Variants in PPP1R12B observed in about 807,000 individuals in gnomAD.
The protein encoded by PPP1R12B is myosin phosphatase target subunit 2.
A neutral mutation model predicts 126.1 loss-of-function variants in PPP1R12B; 76 were observed. The ratio of observed to expected loss-of-function variants is 0.60; its 90% confidence interval spans 0.50 to 0.73. The LOEUF is 0.73. Ranked by LOEUF, PPP1R12B falls within the 30% of genes least tolerant of loss-of-function variation. PPP1R12B has a pLI of 0.00. For synonymous variants in PPP1R12B, 356 were observed against 434.7 expected, an observed-to-expected ratio of 0.82 and a Z score of 2.25; for missense variants, 1,052 against 1,205.1, an observed-to-expected ratio of 0.87 and a Z score of 1.88.
intron 2 of PPP1R12B, among the ~76,000 whole-genome samples, chr1:202,420,089 G>T (rs1242613470): frequency 6.6e-6 from 1 of 152,218 alleles, no homozygotes; most frequent in East Asian, 1.9e-4. Context: ...ATAGCTATCT[G>T]CTTAGGAACA....
chr1:202,503,080 G>A (rs565307959), intron 18 of PPP1R12B, among the ~76,000 whole-genome samples: 13 of 152,276 alleles, frequency 8.5e-5, no homozygotes, highest in Admixed American at 6.5e-4. Context: ...GGACATTGGT[G>A]GAAGCAGGGA....
chr1:202,505,168 G>A (rs1680673631), intron 18 of PPP1R12B, among the ~76,000 whole-genome samples: 1 of 152,204 alleles, frequency 6.6e-6, no homozygotes, highest in Non-Finnish European at 1.5e-5. Context: ...GGAAAGAAAT[G>A]AGTAGAAAGG....
chr1:202,569,383 A>G (rs1688376471), intron 23 of PPP1R12B, among the ~76,000 whole-genome samples, 186 bp downstream of exon 23: 1 of 152,088 alleles, frequency 6.6e-6, no homozygotes, highest in South Asian at 2.1e-4. Context: ...CTCACACAAC[A>G]TCCATTGAGG....
At chr1:202,446,997 GA>G (rs1485601991) in intron 12 of PPP1R12B, among the ~76,000 whole-genome samples, 2 of 152,032 alleles carry the variant, frequency 1.3e-5, no homozygotes, top group Non-Finnish European at 2.9e-5. Context: ...AGCAGACAAA[GA>G]AAAAATGCTT....
At chr1:202,468,852 G>A (rs1259941296) in intron 13 of PPP1R12B, among the ~76,000 whole-genome samples, 1 of 152,088 alleles carries the variant, frequency 6.6e-6, no homozygotes, top group Non-Finnish European at 1.5e-5. Context: ...TACTTGAGAG[G>A]CTGAGTCATT....
rs1362390635 is a variant in PPP1R12B at position 202,588,370 on chromosome 1, T to C, written c.*7810T>C. On this transcript the variant is annotated 3_prime_UTR_variant, in exon 24 of 24. Transcript: ENST00000608999. ...TTAGGGAGAAGCAGCCAGACTTGCT[T>C]TGTGAACTGAATGTATTTTTATGCA... The C allele has an allele frequency of 2.0e-5, 3 of 152,634 alleles. No individual in the cohort carries two copies. Among genetic ancestry groups the C allele is most frequent in the Non-Finnish European group, 4.4e-5 (3 of 68,032 alleles). The allele number at this position is 152,634 out of a possible 1,614,324, so 9.5% of individuals were successfully genotyped here. A position where few individuals can be genotyped will look rare whatever the true frequency, so the allele number is the denominator to read the frequency against.
rs944274976 is a variant in PPP1R12B at position 202,583,861 on chromosome 1, T to A, written c.*3301T>A. On this transcript the variant is annotated 3_prime_UTR_variant, in exon 24 of 24. Coordinates refer to ENST00000608999, the MANE Select transcript of PPP1R12B (RefSeq NM_002481.4). Reference sequence around the variant, plus strand: ...TGTCACTTAACTTAGAGTCTTTACATGAAATATCAGAATGGGAAAGAGAAT... The same window carrying A: ...TGTCACTTAACTTAGAGTCTTTACAAGAAATATCAGAATGGGAAAGAGAAT... 1 of 152,226 alleles carries A rather than the reference T, an allele frequency of 6.6e-6. No individual in the cohort carries two copies. Among genetic ancestry groups the A allele is most frequent in the African/African-American group, 2.4e-5 (1 of 41,454 alleles). 9.4% of individuals were successfully genotyped at this position (152,226 alleles called of 1,614,324 possible).
At chr1:202,558,751 G>A in intron 18 of PPP1R12B, 126 bp from the exon 19 acceptor site, 2 of 617,018 alleles carry the variant, frequency 3.2e-6, no homozygotes, top group Non-Finnish European at 5.6e-6. Flanking sequence ...ATCTCCAGCT[G>A]TGAAGTTCAG....
Position 202,565,921 on chromosome 1 carries a change from C to G in PPP1R12B, c.2757+1374C>G, listed in dbSNP as rs1688005413. 6.6e-6 allele frequency among the ~76,000 whole-genome samples: 1 copy of G among 150,976 alleles called. No homozygotes were observed. Among genetic ancestry groups the G allele is most frequent in the Non-Finnish European group, 1.5e-5 (1 of 67,844 alleles). On this transcript the variant is annotated intron_variant, in intron 21 of 23. Coordinates refer to ENST00000608999, the MANE Select transcript of PPP1R12B (RefSeq NM_002481.4). The surrounding 1 kb of genome is among the most constrained non-coding windows in gnomAD (Gnocchi z 4.3). ...GGCAAAAAAAAAAAAAAGTCTCATTCACAGTAGACCCTCAAAAGAAATCTG... is the reference window on the plus strand; with the variant it reads ...GGCAAAAAAAAAAAAAAGTCTCATTGACAGTAGACCCTCAAAAGAAATCTG...
At chr1:202,468,314 A>C (rs900072877) in intron 13 of PPP1R12B, among the ~76,000 whole-genome samples, 1 of 152,128 alleles carries the variant, frequency 6.6e-6, no homozygotes, top group African/African-American at 2.4e-5. Context: ...CTATGTCCTG[A>C]ATGGTATTGC....
chr1:202,525,107 G>C (rs1410594046), intron 18 of PPP1R12B, among the ~76,000 whole-genome samples: 1 of 152,162 alleles, frequency 6.6e-6, no homozygotes, highest in Non-Finnish European at 1.5e-5. Flanking sequence ...TAGAACTCCT[G>C]ACCTCAAGTG....
At chr1:202,426,075 T>C (rs567243861) in intron 4 of PPP1R12B, among the ~76,000 whole-genome samples, 45 of 152,350 alleles carry the variant, frequency 3.0e-4, no homozygotes, top group Admixed American at 9.1e-4. Context: ...TTTTGACTTA[T>C]ATAATTTCTT....
At chr1:202,386,757 C>T (rs1206195758) in intron 1 of PPP1R12B, among the ~76,000 whole-genome samples, 8 of 151,374 alleles carry the variant, frequency 5.3e-5, no homozygotes, top group Admixed American at 3.9e-4. Context: ...TTTTTTCTCC[C>T]GTGGGTAGTA....
intron 13 of PPP1R12B, among the ~76,000 whole-genome samples, chr1:202,479,544 A>G (rs1677089639): frequency 1.3e-5 from 2 of 152,174 alleles, no homozygotes; most frequent in African/African-American, 2.4e-5. Flanking sequence ...GGACTCAGGG[A>G]ATGATTGGAG....
intron 12 of PPP1R12B, among the ~76,000 whole-genome samples, chr1:202,447,566 C>T (rs1445752056): frequency 6.6e-6 from 1 of 152,224 alleles, no homozygotes; most frequent in Non-Finnish European, 1.5e-5. Context: ...ATTTATCCTA[C>T]TCCATTGCAT....
At chr1:202,572,741 C>A (rs1171581985) in intron 23 of PPP1R12B, among the ~76,000 whole-genome samples, 2 of 152,186 alleles carry the variant, frequency 1.3e-5, no homozygotes, top group African/African-American at 4.8e-5. Flanking sequence ...ATGAGAGGGA[C>A]CCAGCAACCA....
chr1:202,394,494 C>T (rs1664635747), intron 1 of PPP1R12B, among the ~76,000 whole-genome samples: 2 of 152,144 alleles, frequency 1.3e-5, no homozygotes, highest in Non-Finnish European at 2.9e-5. Context: ...GTGGCTCACG[C>T]CTGTAATCCA....
intron 1 of PPP1R12B, among the ~76,000 whole-genome samples, chr1:202,408,974 A>T (rs1185110982): frequency 1.3e-5 from 2 of 150,144 alleles, no homozygotes; most frequent in Admixed American, 6.7e-5. Context: ...AGTAGCTGGG[A>T]TTACAGGCGC....
intron 10 of PPP1R12B, chr1:202,438,278 C>G (rs770740082): frequency 3.8e-6 from 6 of 1,568,514 alleles, no homozygotes; most frequent in Non-Finnish European, 5.2e-6. Flanking sequence ...TTCCTTGCCC[C>G]CTTACCTAAA....
Sources: allele counts gnomAD v4.1 joint callset (sites outside exome capture counted in the v4.1 genomes callset), GRCh38; gene constraint gnomAD v4.1.1; non-coding constraint Gnocchi (gnomAD v3.1); transcripts MANE v1.5; gene names NCBI Gene and HGNC (gene_info 2026-07-23, HGNC 2026-07-21).